The following KCNQ2 variants were observed in gnomAD, a reference collection of about 807,000 sequenced individuals.
The protein encoded by KCNQ2 is potassium voltage-gated channel subfamily Q member 2, also known as potassium voltage-gated channel subfamily KQT member 2.
A neutral mutation model predicts 84.8 loss-of-function variants in KCNQ2; 14 were observed. The ratio of observed to expected loss-of-function variants is 0.17; its 90% CI spans 0.11 to 0.26. KCNQ2 has a LOEUF of 0.26. Ranked by LOEUF, KCNQ2 falls within the 10% of genes least tolerant of loss-of-function variation. The pLI, the probability that KCNQ2 is intolerant of heterozygous loss-of-function variation, is 1.00. For missense variants in KCNQ2, 788 were observed against 1,254.0 expected, an observed-to-expected ratio of 0.63 and a Z score of 5.61; for synonymous variants, 599 against 554.1, an observed-to-expected ratio of 1.08 and a Z score of -1.14.
In KCNQ2 at chr20:63,430,200, C is replaced by T. The variant is rs1338423653; in HGVS notation, c.1148+1140G>A. On this transcript the variant is annotated intron_variant, in intron 9 of 16. Transcript: ENST00000359125. Reference sequence around the variant, plus strand: ...GGCGGGCGGCAGGGCCAGGGCAGGACGGAGCTGTGGGACGAGGGTGCAACA... The same window carrying T: ...GGCGGGCGGCAGGGCCAGGGCAGGATGGAGCTGTGGGACGAGGGTGCAACA... Among the ~76,000 whole-genome samples the T allele has an allele frequency of 2.6e-5, 4 of 152,090 alleles. No individual in the cohort carries two copies. In the South Asian group the frequency reaches 6.2e-4, roughly 24 times the overall value.
intron 1 of KCNQ2, among the ~76,000 whole-genome samples, chr20:63,464,737 A>G (rs1259263696): frequency 6.6e-6 from 1 of 152,216 alleles, no homozygotes; most frequent in Non-Finnish European, 1.5e-5. Context: ...GTGTGGGGGC[A>G]GGGGCCCTGC....
chr20:63,451,425 G>A (rs1379455055), intron 1 of KCNQ2, among the ~76,000 whole-genome samples: 1 of 152,174 alleles, frequency 6.6e-6, no homozygotes, highest in Non-Finnish European at 1.5e-5. Flanking sequence ...GACCAACATG[G>A]AGTGGCCGTG....
In KCNQ2 at chr20:63,433,800, C is replaced by T; in HGVS notation, c.1118+9G>A. 6.2e-7 allele frequency: 1 copy of T among 1,613,828 alleles called. No homozygotes were observed. Among genetic ancestry groups the T allele is most frequent in the Non-Finnish European group, 8.5e-7 (1 of 1,179,878 alleles). ...CAGTTGCTTGGTGGCAGGTGCCCGG[C>T]GGCGGTACCTGTACATGGGCACGGT... On this transcript the variant is annotated intron_variant, in intron 8 of 16. Coordinates refer to ENST00000359125, the MANE Select transcript of KCNQ2 (RefSeq NM_172107.4).
intron 1 of KCNQ2, among the ~76,000 whole-genome samples, chr20:63,470,132 G>A (rs1034264051): frequency 3.9e-5 from 6 of 152,230 alleles, no homozygotes; most frequent in African/African-American, 4.8e-5. Flanking sequence ...CAGAAACCCT[G>A]CTCTCCAGCC....
At position 63,402,883 on chromosome 20, in the gene KCNQ2, GC is replaced by G. The variant is rs2079838362; in HGVS notation, c.*3760del. 1 of 152,304 alleles carries G rather than the reference GC, an allele frequency of 6.6e-6. No homozygotes were observed. Among genetic ancestry groups the G allele is most frequent in the Non-Finnish European group, 1.5e-5 (1 of 68,096 alleles). 9.4% of individuals were successfully genotyped at this position (152,304 alleles called of 1,614,324 possible). A position where few individuals can be genotyped will look rare whatever the true frequency, so the allele number is the denominator to read the frequency against. On this transcript the variant is annotated 3_prime_UTR_variant, in exon 17 of 17. Transcript: ENST00000359125. ...GCTGTGTGCAGGAGGCATGGGAGGA[GC>G]CCTCCCCCAGCGTGTCCCAGCCGTG...
intron 12 of KCNQ2, among the ~76,000 whole-genome samples, chr20:63,418,220 C>T (rs1349781768): frequency 6.6e-6 from 1 of 152,242 alleles, no homozygotes; most frequent in Non-Finnish European, 1.5e-5. Context: ...GCTGCCGCCA[C>T]CCACCTGGGA....
chr20:63,414,752 A>C lies in KCNQ2; in HGVS notation c.1525+151T>G. On this transcript the variant is annotated intron_variant, in intron 13 of 16. Coordinates refer to ENST00000359125, the MANE Select transcript of KCNQ2 (RefSeq NM_172107.4). The surrounding 1 kb of genome is among the most constrained non-coding windows in gnomAD (Gnocchi z 6.6). ...TTTTAAATAGTTAATTTTAGGTTGC[A>C]CAAGTCTCACCTCAATTTTAGAAAG... The C allele has an allele frequency of 1.3e-6, 1 of 759,142 alleles. No individual in the cohort carries two copies. Among genetic ancestry groups the C allele is most frequent in the Non-Finnish European group, 2.3e-6 (1 of 434,970 alleles). The allele number at this position is 759,142 out of a possible 1,614,324, so 47.0% of individuals were successfully genotyped here. A position where few individuals can be genotyped will look rare whatever the true frequency, so the allele number is the denominator to read the frequency against.
chr20:63,432,198 TG>T (rs2080827717), intron 8 of KCNQ2, among the ~76,000 whole-genome samples: 1 of 42,250 alleles, frequency 2.4e-5, no homozygotes, highest in African/African-American at 9.9e-5. Context: ...CTCCACCCTC[TG>T]GGAAGGATCC....
chr20:63,426,035 C>T (rs1225364233), intron 10 of KCNQ2, among the ~76,000 whole-genome samples: 1 of 152,234 alleles, frequency 6.6e-6, no homozygotes, highest in Non-Finnish European at 1.5e-5. Flanking sequence ...CCGCCGGCCT[C>T]TGCGGGAGCC....
chr20:63,400,861 C>T lies in KCNQ2; in HGVS notation c.*5783G>A, dbSNP rs1016152155. ...GCCCGTCCCTTGGGCCCCTCGCCCGCCCCACCTGTTCGCAGGGTCCAGGGC... is the reference window on the plus strand; with the variant it reads ...GCCCGTCCCTTGGGCCCCTCGCCCGTCCCACCTGTTCGCAGGGTCCAGGGC... On this transcript the variant is annotated 3_prime_UTR_variant, in exon 17 of 17. Transcript: ENST00000359125. The surrounding 1 kb of genome is among the most constrained non-coding windows in gnomAD (Gnocchi z 8.7). The T allele has an allele frequency of 3.3e-5, 13 of 398,362 alleles. No individual in the cohort carries two copies. Among genetic ancestry groups the T allele is most frequent in the Non-Finnish European group, 5.3e-5 (12 of 225,954 alleles). The allele number at this position is 398,362 out of a possible 1,614,324, so 24.7% of individuals were successfully genotyped here. A position where few individuals can be genotyped will look rare whatever the true frequency, so the allele number is the denominator to read the frequency against.
chr20:63,469,284 C>T lies in KCNQ2; in HGVS notation c.296+2884G>A, dbSNP rs1003441999. Among the ~76,000 whole-genome samples the T allele has an allele frequency of 8.5e-5, 13 of 152,244 alleles. No homozygotes were observed. The South Asian group carries it at 2.3e-3, about 27-fold the overall frequency. On this transcript the variant is annotated intron_variant, in intron 1 of 16. Coordinates refer to ENST00000359125, the MANE Select transcript of KCNQ2 (RefSeq NM_172107.4). ...GAGGTCTGGGAGAGGTGGCCCAGCA[C>T]CCCGCCCCGACCAGGCAGAGAGCAG... is the stretch of plus-strand genomic sequence containing the variant.
intron 15 of KCNQ2, 120 bp downstream of exon 15, chr20:63,413,330 G>C (rs770448837): frequency 8.6e-7 from 1 of 1,160,902 alleles, no homozygotes; most frequent in South Asian, 1.3e-5. Flanking sequence ...AGGCCGACGT[G>C]GGTGGGGAGG....
intron 1 of KCNQ2, among the ~76,000 whole-genome samples, chr20:63,455,886 A>G (rs113015899): frequency 0.015 from 892 of 59,768 alleles, 51 homozygotes; most frequent in South Asian, 0.034. Flanking sequence ...CCTCCGGGAG[A>G]CCCCTGTGCT....
Position 63,408,371 on chromosome 20 carries a change from C to A in KCNQ2, c.1887+42G>T, listed in dbSNP as rs774795360. On this transcript the variant is annotated intron_variant, in intron 16 of 16. Transcript: ENST00000359125. This position sits in a 1 kb window ranked among gnomAD's most constrained non-coding sequence, Gnocchi z 5.0. ...TGCCACAGGTTGACGGCAGGCACCA[C>A]AGCCCTCCAGCCCCGCACCCCTCCC... 2 of 1,599,886 alleles carry A rather than the reference C, an allele frequency of 1.3e-6. No homozygotes were observed. Among genetic ancestry groups the A allele is most frequent in the Non-Finnish European group, 1.7e-6 (2 of 1,178,206 alleles).
intron 11 of KCNQ2, among the ~76,000 whole-genome samples, chr20:63,419,885 G>GTT (rs139786707): frequency 1.3e-4 from 19 of 150,126 alleles, no homozygotes; most frequent in African/African-American, 3.4e-4. Flanking sequence ...AAAAATCCCT[G>GTT]TTTTTTTTTT....
chr20:63,463,456 C>A (rs1490269639), intron 1 of KCNQ2, among the ~76,000 whole-genome samples: 1 of 152,138 alleles, frequency 6.6e-6, no homozygotes, highest in Non-Finnish European at 1.5e-5. Context: ...GGCTCAGCCT[C>A]CATGACAAAC....
At chr20:63,431,189 C>A (rs1418018399) in intron 9 of KCNQ2, 151 bp downstream of exon 9, 2 of 927,888 alleles carry the variant, frequency 2.2e-6, no homozygotes, top group East Asian at 2.4e-5. Flanking sequence ...CCACGCAGGG[C>A]AGGGGGCATA....
intron 8 of KCNQ2, among the ~76,000 whole-genome samples, chr20:63,432,443 CACCCACAGGGAAGGCT>C (rs2080842041): frequency 1.4e-5 from 2 of 138,972 alleles, no homozygotes; most frequent in African/African-American, 5.3e-5. Context: ...GGGAAGGATC[CACCCACAGGGAAGGCT>C]CCACCCACAG....
chr20:63,433,020 C>T (rs1227789396), intron 8 of KCNQ2, among the ~76,000 whole-genome samples: 4 of 152,174 alleles, frequency 2.6e-5, no homozygotes, highest in Non-Finnish European at 5.9e-5. Flanking sequence ...AGGTGGTGCC[C>T]ACACAGACGG....
Sources: gnomAD v4.1 joint callset for allele counts (sites outside exome capture counted in the v4.1 genomes callset) on GRCh38, gnomAD v4.1.1 for gene constraint, Gnocchi (gnomAD v3.1) non-coding constraint, MANE v1.5 for transcripts, NCBI Gene and HGNC (gene_info 2026-07-23, HGNC 2026-07-21) for gene names.